Variants in MAL2 observed in about 807,000 individuals in gnomAD.
MAL2 encodes the protein protein MAL2.
A neutral mutation model predicts 18.1 loss-of-function variants in MAL2; 17 were observed. The observed-to-expected ratio is 0.94, with a 90% CI of 0.64 to 1.41. The LOEUF is 1.41. Ranked by LOEUF, MAL2 falls within the 40% of genes most tolerant of loss-of-function variation. The pLI, the probability that MAL2 is intolerant of heterozygous loss-of-function variation, is 0.00. For synonymous variants in MAL2, 102 were observed against 102.3 expected (o/e 1.00, Z 0.02); for missense variants, 222 against 231.9 (o/e 0.96, Z 0.28).
intron 1 of MAL2, among the ~76,000 whole-genome samples, chr8:119,212,144 AT>A (rs1367897813): frequency 1.3e-5 from 2 of 152,330 alleles, no homozygotes; most frequent in African/African-American, 4.8e-5. Context: ...AAAAAATAAC[AT>A]GGGATCATCT....
At position 119,221,615 on chromosome 8, in the gene MAL2, T is replaced by C. The variant is rs749700781; in HGVS notation, c.161T>C (p.Val54Ala). 1.2e-6 allele frequency: 2 copies of C among 1,613,782 alleles called. No homozygotes were observed. Among genetic ancestry groups the C allele is most frequent in the African/African-American group, 1.3e-5 (1 of 74,890 alleles). ...ILFGGLVWIL[V>A]ASSNVPLPLL... Reference sequence around the variant, plus strand: ...TTCGGGGGTCTTGTCTGGATTTTGGTTGCCTCCTCCAATGTTCCTCTACCT... The same window carrying C: ...TTCGGGGGTCTTGTCTGGATTTTGGCTGCCTCCTCCAATGTTCCTCTACCT... The change falls in exon 2 of 4, where the codon GTT becomes GCT. Residue 54 changes from valine to alanine, a missense_variant. By Grantham distance (64) the Val-to-Ala change is moderately conservative (BLOSUM62 0). Coordinates refer to ENST00000614891, the MANE Select transcript of MAL2 (RefSeq NM_052886.3).
intron 2 of MAL2, among the ~76,000 whole-genome samples, chr8:119,222,564 ATGCCTATAGTCCCAG>A (rs1817488564): frequency 6.6e-6 from 1 of 151,770 alleles, no homozygotes; most frequent in African/African-American, 2.4e-5. Flanking sequence ...GCAGTGGCTC[ATGCCTATAGTCCCAG>A]GACTTTGGGA....
intron 2 of MAL2, among the ~76,000 whole-genome samples, chr8:119,226,453 A>G (rs1185024351): frequency 7.6e-6 from 1 of 131,798 alleles, no homozygotes; most frequent in Non-Finnish European, 1.5e-5. Flanking sequence ...CCTGAAACGA[A>G]GAGCAAACAT....
rs559083122 is a variant in MAL2 at position 119,230,987 on chromosome 8, A to ATTTGTCCTAGCAGAGTAT, written c.304-9174_304-9157dup. ...GTAGTTCTTACCCATGGTTAGTTAA[A>ATTTGTCCTAGCAGAGTAT]TTTGTCCTAGCAGAGTATTTTAGAT... On this transcript the variant is annotated intron_variant, in intron 2 of 3. Transcript: ENST00000614891. Among the ~76,000 whole-genome samples the ATTTGTCCTAGCAGAGTAT allele has an allele frequency of 7.2e-5, 11 of 152,182 alleles. No homozygotes were observed. The South Asian group carries it at 2.3e-3, about 32-fold the overall frequency.
chr8:119,223,083 T>G (rs896195346), intron 2 of MAL2, among the ~76,000 whole-genome samples: 15 of 152,172 alleles, frequency 9.9e-5, no homozygotes, highest in Non-Finnish European at 1.8e-4. Flanking sequence ...TTATATATAT[T>G]CCTTTCAAGT....
Position 119,243,913 on chromosome 8 carries a change from A to G in MAL2, c.*425A>G, listed in dbSNP as rs1042589430. 2 of 153,320 alleles carry G rather than the reference A, an allele frequency of 1.3e-5. No individual in the cohort carries two copies. The highest frequency in any genetic ancestry group is 4.8e-5 in the African/African-American group (2 of 41,484). The allele number at this position is 153,320 out of a possible 1,614,324, so 9.5% of individuals were successfully genotyped here. On this transcript the variant is annotated 3_prime_UTR_variant, in exon 4 of 4. Coordinates refer to ENST00000614891, the MANE Select transcript of MAL2 (RefSeq NM_052886.3). ...CCACTAAACTCTATATTTTAGTGTAAACCAGGAATTGGCACACTTTTTTTA... is the reference window on the plus strand; with the variant it reads ...CCACTAAACTCTATATTTTAGTGTAGACCAGGAATTGGCACACTTTTTTTA...
intron 2 of MAL2, among the ~76,000 whole-genome samples, chr8:119,230,692 A>T (rs745333802): frequency 1.3e-5 from 2 of 152,178 alleles, no homozygotes; most frequent in Non-Finnish European, 2.9e-5. Flanking sequence ...GATTCACCTC[A>T]GTAAGTTAAA....
At chr8:119,237,635 C>A (rs935064656) in intron 2 of MAL2, among the ~76,000 whole-genome samples, 1 of 151,654 alleles carries the variant, frequency 6.6e-6, no homozygotes, top group Non-Finnish European at 1.5e-5. Context: ...TGGTTAAATA[C>A]ATGCAAATCA....
chr8:119,208,777 C>A lies in MAL2; in HGVS notation c.132+173C>A. On this transcript the variant is annotated intron_variant, in intron 1 of 3. Transcript: ENST00000614891. This position sits in a 1 kb window ranked among gnomAD's most constrained non-coding sequence, Gnocchi z 4.3. The stretch of plus-strand genomic sequence containing the variant: ...CGGTGCCCCGCGCCGCCGCCCGGGC[C>A]CTCCCTCCTAGCACCTGTTACGCGG... 9.5e-7 allele frequency: 1 copy of A among 1,052,454 alleles called. No individual in the cohort carries two copies. The highest frequency in any genetic ancestry group is 1.2e-6 in the Non-Finnish European group (1 of 828,608). 65.2% of individuals were successfully genotyped at this position (1,052,454 alleles called of 1,614,324 possible). A position where few individuals can be genotyped will look rare whatever the true frequency, so the allele number is the denominator to read the frequency against.
chr8:119,229,840 C>T (rs902332649), intron 2 of MAL2, among the ~76,000 whole-genome samples: 1 of 152,114 alleles, frequency 6.6e-6, no homozygotes, highest in African/African-American at 2.4e-5. Flanking sequence ...ATAAGGAAAC[C>T]ACTCTTCCCT....
At chr8:119,213,328 G>C (rs1448696349) in intron 1 of MAL2, among the ~76,000 whole-genome samples, 1 of 147,744 alleles carries the variant, frequency 6.8e-6, no homozygotes, top group African/African-American at 2.4e-5. Context: ...TGAGAGCTTT[G>C]ACTTTGGACT....
intron 2 of MAL2, among the ~76,000 whole-genome samples, chr8:119,232,487 C>A (rs968015632): frequency 9.9e-5 from 15 of 152,104 alleles, no homozygotes; most frequent in East Asian, 1.9e-4. Context: ...TCAGGTAAGA[C>A]AATATGAACT....
chr8:119,210,125 C>A (rs1322580192), intron 1 of MAL2, among the ~76,000 whole-genome samples: 1 of 152,092 alleles, frequency 6.6e-6, no homozygotes, highest in Non-Finnish European at 1.5e-5. Context: ...TTCTAAACTT[C>A]AGTACTTTTG....
At chr8:119,240,957 A>G (rs926735401) in intron 3 of MAL2, among the ~76,000 whole-genome samples, 2 of 152,008 alleles carry the variant, frequency 1.3e-5, no homozygotes, top group East Asian at 1.9e-4. Context: ...AGGAAATAAT[A>G]TATTATTTTT....
chr8:119,220,694 C>T (rs923206610), intron 1 of MAL2, among the ~76,000 whole-genome samples: 1 of 152,148 alleles, frequency 6.6e-6, no homozygotes, highest in Non-Finnish European at 1.5e-5. Context: ...ACTCTCAGCT[C>T]CTGCCATGGA....
chr8:119,236,953 T>C (rs911271055), intron 2 of MAL2, among the ~76,000 whole-genome samples: 4 of 149,520 alleles, frequency 2.7e-5, no homozygotes, highest in Non-Finnish European at 4.4e-5. Flanking sequence ...AGAGCAGAAC[T>C]GAAGGAAATA....
At chr8:119,220,549 C>T (rs1243909868) in intron 1 of MAL2, among the ~76,000 whole-genome samples, 1 of 152,178 alleles carries the variant, frequency 6.6e-6, no homozygotes, top group African/African-American at 2.4e-5. Flanking sequence ...TTTGTCATCG[C>T]CCTTAGGTGA....
At chr8:119,243,375 G>A (rs1587149185) in intron 3 of MAL2, 42 bp from the exon 4 acceptor site, 1 of 1,480,188 alleles carries the variant, frequency 6.8e-7, no homozygotes, top group Non-Finnish European at 9.2e-7. Flanking sequence ...TTATAAGTCG[G>A]TGTTGTAAAT....
chr8:119,223,384 T>C (rs1172476553), intron 2 of MAL2: 2 of 152,242 alleles, frequency 1.3e-5, no homozygotes, highest in Non-Finnish European at 2.9e-5. Context: ...TTTAGTTTCT[T>C]CCTCTGTAAA....
Sources: allele counts gnomAD v4.1 joint callset (sites outside exome capture counted in the v4.1 genomes callset), GRCh38; gene constraint gnomAD v4.1.1; non-coding constraint Gnocchi (gnomAD v3.1); transcripts MANE v1.5; gene names NCBI Gene and HGNC (gene_info 2026-07-23, HGNC 2026-07-21).